The following RP1 variants were observed in gnomAD, a reference collection of about 807,000 sequenced individuals.
RP1 encodes the protein RP1 axonemal microtubule associated.
A neutral mutation model predicts 14.8 loss-of-function variants in RP1; 16 were observed. The observed-to-expected ratio is 1.08, with a 90% CI of 0.73 to 1.65. The LOEUF (loss-of-function observed/expected upper bound fraction) is 1.65. Ranked by LOEUF, RP1 falls within the 40% of genes most tolerant of loss-of-function variation. The pLI is 0.00. For synonymous variants in RP1, 876 were observed against 883.6 expected, an observed-to-expected ratio of 0.99 and a Z score of 0.15; for missense variants, 2,631 against 2,535.0, an observed-to-expected ratio of 1.04 and a Z score of -0.81.
downstream of RP1, among the ~76,000 whole-genome samples, chr8:54,770,638 C>A (rs1809878698): frequency 6.7e-6 from 1 of 149,404 alleles, no homozygotes; most frequent in East Asian, 2.0e-4. Context: ...ACCATGATTT[C>A]ATGTCACAAA....
At chr8:54,870,083 G>T (rs1407653449) in exon 29 of RP1, 2 of 407,566 alleles carry the variant, frequency 4.9e-6, no homozygotes, top group East Asian at 3.6e-5. Flanking sequence ...TTGTTTCTGA[G>T]AACTTCCAAA....
rs769348759 is a variant in RP1 at position 54,629,461 on chromosome 8, C to T, written c.5579C>T (p.Ser1860Leu). ...ACAGAGGAGAAGGGTAGTCATCAGT[C>T]AGAAAGAGTATGCACATCTGTCACT... ...HHTEEKGSHQ[S>L]ERVCTSVTHS... Residue 1860 changes from serine to leucine, a missense_variant, in exon 4 of 4, where the codon TCA (serine) becomes TTA (leucine). Transcript: ENST00000220676. 1.9e-6 allele frequency: 3 copies of T among 1,614,108 alleles called. No homozygotes were observed. The highest frequency in any genetic ancestry group is 2.2e-5 in the East Asian group (1 of 44,876).
chr8:54,660,908 A>T (rs1043813214), intron 6 of RP1, among the ~76,000 whole-genome samples: 2 of 152,062 alleles, frequency 1.3e-5, no homozygotes, highest in African/African-American at 4.8e-5. Flanking sequence ...TTAGAATAGC[A>T]CAAAGGTGAT....
At chr8:54,807,371 C>T (rs1297558928) in intron 24 of RP1, among the ~76,000 whole-genome samples, 1 of 152,160 alleles carries the variant, frequency 6.6e-6, no homozygotes, top group African/African-American at 2.4e-5. Context: ...ATGGTAGTTA[C>T]ATGGTTAGAG....
chr8:54,566,896 G>A (rs1804420672), intron 1 of RP1, among the ~76,000 whole-genome samples: 1 of 152,178 alleles, frequency 6.6e-6, no homozygotes, highest in Non-Finnish European at 1.5e-5. Context: ...CTAAAATGTC[G>A]GATGGTACCG....
chr8:54,803,792 G>T (rs11987157), intron 24 of RP1, among the ~76,000 whole-genome samples: 59 of 152,136 alleles, frequency 3.9e-4, no homozygotes, highest in Non-Finnish European at 7.1e-4. Flanking sequence ...ACAATGGGCC[G>T]GGCACAATGG....
intron 6 of RP1, among the ~76,000 whole-genome samples, chr8:54,657,480 A>C (rs1282717391): frequency 6.6e-6 from 1 of 152,198 alleles, no homozygotes; most frequent in African/African-American, 2.4e-5. Flanking sequence ...AAATTTGATA[A>C]GCCTTTAGTT....
At chr8:54,798,175 G>A (rs932703420) in intron 24 of RP1, among the ~76,000 whole-genome samples, 6 of 151,990 alleles carry the variant, frequency 3.9e-5, no homozygotes, top group East Asian at 1.9e-4. Flanking sequence ...CACCACGCCC[G>A]GCTAAGTTTT....
chr8:54,665,210 C>G (rs1054297184), intron 7 of RP1, among the ~76,000 whole-genome samples: 2 of 151,984 alleles, frequency 1.3e-5, no homozygotes, highest in Non-Finnish European at 2.9e-5. Flanking sequence ...TAATCTTGTT[C>G]TTTTGTTTGG....
In RP1 at chr8:54,621,742, C is replaced by G. The variant is rs570224275; in HGVS notation, c.615+161C>G. 3.9e-5 allele frequency among the ~76,000 whole-genome samples: 6 copies of G among 152,270 alleles called. No individual in the cohort carries two copies. In the East Asian group the frequency reaches 1.2e-3, roughly 29 times the overall value. ...TCCGATGCTGCCTTTGTTCCTTTGTCAGAATCTGACTGGAATCTCATCTTT... is the reference window on the plus strand; with the variant it reads ...TCCGATGCTGCCTTTGTTCCTTTGTGAGAATCTGACTGGAATCTCATCTTT... On this transcript the variant is annotated intron_variant, in intron 2 of 3. Transcript: ENST00000220676.
chr8:54,776,667 C>T (rs116772957), intron 23 of RP1, among the ~76,000 whole-genome samples: 4,371 of 152,196 alleles, frequency 0.029, 119 homozygotes, highest in African/African-American at 0.064. Context: ...AGAGGTTTGG[C>T]AGCAAGTATC....
chr8:54,681,821 G>A (rs940288114), intron 12 of RP1, among the ~76,000 whole-genome samples: 1 of 152,060 alleles, frequency 6.6e-6, no homozygotes, highest in Admixed American at 6.6e-5. Context: ...GGATTAGTTT[G>A]CTGAGGATAA....
At chr8:54,842,903 G>T (rs2129405111) in intron 25 of RP1, among the ~76,000 whole-genome samples, 1 of 152,220 alleles carries the variant, frequency 6.6e-6, no homozygotes, top group African/African-American at 2.4e-5. Flanking sequence ...CCTTGCCCAG[G>T]CCTCTGCATG....
intron 28 of RP1, among the ~76,000 whole-genome samples, chr8:54,866,904 C>T (rs572034389): frequency 6.6e-6 from 1 of 152,276 alleles, no homozygotes; most frequent in South Asian, 2.1e-4. Flanking sequence ...TTAATTTATC[C>T]ATCCATTTAA....
At chr8:54,789,322 G>T (rs141912249) in intron 24 of RP1, among the ~76,000 whole-genome samples, 2 of 152,286 alleles carry the variant, frequency 1.3e-5, no homozygotes, top group Non-Finnish European at 2.9e-5. Flanking sequence ...CCAAGCCAGT[G>T]GTCATGCCAA....
At chr8:54,694,678 T>C (rs1297609845) in intron 12 of RP1, among the ~76,000 whole-genome samples, 3 of 152,164 alleles carry the variant, frequency 2.0e-5, no homozygotes, top group Admixed American at 2.0e-4. Context: ...CCCTTTATTA[T>C]TTTTTATTGC....
chr8:54,785,968 T>C (rs1810307959), intron 24 of RP1, among the ~76,000 whole-genome samples: 1 of 152,112 alleles, frequency 6.6e-6, no homozygotes, highest in Admixed American at 6.6e-5. Flanking sequence ...TCGTTATATA[T>C]TCCCAATATG....
chr8:54,646,111 A>T (rs1585579352), intron 3 of RP1, among the ~76,000 whole-genome samples: 1 of 152,060 alleles, frequency 6.6e-6, no homozygotes, highest in African/African-American at 2.4e-5. Context: ...TTTCTCCCAT[A>T]GCATTTCTGA....
intron 16 of RP1, among the ~76,000 whole-genome samples, chr8:54,723,796 A>G (rs1299385103): frequency 2.0e-5 from 3 of 152,212 alleles, no homozygotes; most frequent in Admixed American, 2.0e-4. Flanking sequence ...TGCTAACTTC[A>G]GTGTACTATT....
Sources: allele counts gnomAD v4.1 joint callset (sites outside exome capture counted in the v4.1 genomes callset), GRCh38; gene constraint gnomAD v4.1.1; transcripts MANE v1.5; gene names NCBI Gene and HGNC (gene_info 2026-07-23, HGNC 2026-07-21).